Variants in TNRC6C observed in about 807,000 individuals in gnomAD.
The protein encoded by TNRC6C is trinucleotide repeat-containing gene 6C protein.
TNRC6C carries 20 observed loss-of-function variants against 153.7 expected under a neutral mutation model. That is an observed-to-expected ratio of 0.13 (90% CI 0.09 to 0.19). TNRC6C has a LOEUF of 0.19. Among genes scored for constraint, TNRC6C ranks in the 10% least tolerant of loss-of-function variants. The probability of loss-of-function intolerance (pLI) is 1.00; values close to 1 mark genes in which losing one functional copy is unlikely to be tolerated. For missense variants in TNRC6C, 1,987 were observed against 2,172.0 expected (o/e 0.91, Z 1.69); for synonymous variants, 811 against 841.4 (o/e 0.96, Z 0.63).
chr17:77,963,099 C>G (rs1234179225), intron 1 of TNRC6C, among the ~76,000 whole-genome samples: 1 of 152,166 alleles, frequency 6.6e-6, no homozygotes, highest in Non-Finnish European at 1.5e-5. Flanking sequence ...AAATGATATA[C>G]AATAAGCTTT....
At position 78,075,039 on chromosome 17, in the gene TNRC6C, G is replaced by C; in HGVS notation, c.2918-97G>C. The stretch of plus-strand genomic sequence containing the variant: ...CTTCCCTGTGTTTGAAGGGGTGGAG[G>C]GTCTCCATCCCTCCTTGAGGCCTTA... On this transcript the variant is annotated intron_variant, in intron 7 of 19. Coordinates refer to ENST00000301624, the Ensembl canonical transcript of TNRC6C. This position sits in a 1 kb window ranked among gnomAD's most constrained non-coding sequence, Gnocchi z 4.2. 1 of 1,441,116 alleles carries C rather than the reference G, an allele frequency of 6.9e-7. No individual in the cohort carries two copies. The highest frequency in any genetic ancestry group is 9.4e-7 in the Non-Finnish European group (1 of 1,060,326). The allele number at this position is 1,441,116 out of a possible 1,614,324, so 89.3% of individuals were successfully genotyped here.
At chr17:78,059,936 A>G (rs900404044) in intron 3 of TNRC6C, among the ~76,000 whole-genome samples, 1 of 152,056 alleles carries the variant, frequency 6.6e-6, no homozygotes, top group Non-Finnish European at 1.5e-5. Flanking sequence ...AATCTGTATT[A>G]GTATCGTGAA....
At chr17:78,086,819 A>G in intron 12 of TNRC6C, 34 bp from the exon 15 acceptor site, 1 of 1,605,078 alleles carries the variant, frequency 6.2e-7, no homozygotes. Context: ...GTCCCTTCCC[A>G]CCTAGTTAAC....
At chr17:78,078,280 G>A (rs1010512430) in intron 9 of TNRC6C, among the ~76,000 whole-genome samples, 4 of 152,174 alleles carry the variant, frequency 2.6e-5, no homozygotes, top group Non-Finnish European at 5.9e-5. Flanking sequence ...TGCAGAAGGG[G>A]TTCTCTCCCA....
rs569992402 is a variant in TNRC6C, at chr17:78,027,471, T to G, written c.-545-4045T>G. On this transcript the variant is annotated intron_variant, in intron 1 of 19. Transcript: ENST00000301624. ...CAACCCTCTTCTTTTTTATATTCAG[T>G]TCCATCATATGGAAACTCTGGCTAG... Among the ~76,000 whole-genome samples, 4 of 152,298 alleles carry G rather than the reference T, an allele frequency of 2.6e-5. No homozygotes were observed. In the South Asian group the frequency reaches 8.3e-4, roughly 32 times the overall value.
At chr17:78,093,829 G>T (rs111703086) in intron 16 of TNRC6C, 66 bp downstream of exon 18, 3 of 1,589,896 alleles carry the variant, frequency 1.9e-6, no homozygotes, top group East Asian at 4.5e-5. Context: ...AGATGTCAGG[G>T]GTGACAGGTT....
At chr17:78,023,117 T>C (rs1227695084) in intron 1 of TNRC6C, among the ~76,000 whole-genome samples, 2 of 151,958 alleles carry the variant, frequency 1.3e-5, no homozygotes, top group South Asian at 2.1e-4. Context: ...ACAGTGAGAC[T>C]CCGTCTCTAA....
intron 1 of TNRC6C, among the ~76,000 whole-genome samples, chr17:78,026,473 G>C (rs1207008196): frequency 6.6e-6 from 1 of 152,196 alleles, no homozygotes; most frequent in African/African-American, 2.4e-5. Flanking sequence ...CAGTTAAACT[G>C]ATATATTCAT....
At chr17:78,086,354 A>C (rs867725344) in intron 11 of TNRC6C, 149 bp from the exon 14 acceptor site, 177 of 506,970 alleles carry the variant, frequency 3.5e-4, no homozygotes, top group South Asian at 1.7e-3. Flanking sequence ...AAAAAAAAAA[A>C]AAAAAACAGT....
chr17:78,036,995 C>A (rs1043768055), intron 2 of TNRC6C, among the ~76,000 whole-genome samples: 1 of 151,508 alleles, frequency 6.6e-6, no homozygotes, highest in African/African-American at 2.4e-5. Context: ...TATTCTTTTT[C>A]TTTATATAGA....
exon 20 of TNRC6C, chr17:78,107,043 C>G (rs1001485727): frequency 2.0e-5 from 3 of 152,064 alleles, no homozygotes; most frequent in East Asian, 3.9e-4. Flanking sequence ...CATCTCATTG[C>G]CATTACATGC....
rs2144685308 is a variant in TNRC6C at position 78,104,912 on chromosome 17, C to T, written c.*67C>T. 1 of 1,370,548 alleles carries T rather than the reference C, an allele frequency of 7.3e-7. No individual in the cohort carries two copies. Among genetic ancestry groups the T allele is most frequent in the Non-Finnish European group, 9.4e-7 (1 of 1,067,030 alleles). The allele number at this position is 1,370,548 out of a possible 1,614,324, so 84.9% of individuals were successfully genotyped here. ...GACCCCTCCCGGCTGGGCGGCCCCACAGACCCGCTGGAACCCAGCAGCGGC... is the reference window on the plus strand; with the variant it reads ...GACCCCTCCCGGCTGGGCGGCCCCATAGACCCGCTGGAACCCAGCAGCGGC... On this transcript the variant is annotated 3_prime_UTR_variant, in exon 20 of 20. Coordinates refer to ENST00000301624, the Ensembl canonical transcript of TNRC6C. This position sits in a 1 kb window ranked among gnomAD's most constrained non-coding sequence, Gnocchi z 6.2.
intron 13 of TNRC6C, 41 bp downstream of exon 15, chr17:78,087,134 A>G: frequency 1.9e-6 from 3 of 1,602,398 alleles, no homozygotes; most frequent in Non-Finnish European, 2.6e-6. Flanking sequence ...TCAGGTAGAG[A>G]GGGTACCTGG....
chr17:78,055,096 G>A (rs913533807), intron 3 of TNRC6C, among the ~76,000 whole-genome samples: 11 of 152,220 alleles, frequency 7.2e-5, no homozygotes, highest in Admixed American at 2.0e-4. Flanking sequence ...AACACTGTAC[G>A]CTTAGGCCAC....
At chr17:78,031,315 C>T (rs1407268819) in intron 1 of TNRC6C, among the ~76,000 whole-genome samples, 4 of 152,094 alleles carry the variant, frequency 2.6e-5, no homozygotes, top group African/African-American at 9.7e-5. Context: ...CCAGGAATAG[C>T]TGGCTCAGAC....
At chr17:78,022,895 CT>C (rs761533707) in intron 1 of TNRC6C, among the ~76,000 whole-genome samples, 48 of 152,082 alleles carry the variant, frequency 3.2e-4, no homozygotes, top group African/African-American at 9.9e-4. Context: ...ATGTGCAGAC[CT>C]TTTTTTCTTA....
intron 16 of TNRC6C, 80 bp downstream of exon 19, chr17:78,097,941 C>T (rs957956685): frequency 8.6e-7 from 1 of 1,168,084 alleles, no homozygotes; most frequent in Non-Finnish European, 1.2e-6. Context: ...CCAGCTTTTC[C>T]TATTGGCTCT....
intron 16 of TNRC6C, among the ~76,000 whole-genome samples, chr17:78,094,469 C>T (rs551231351): frequency 6.1e-5 from 9 of 147,456 alleles, no homozygotes; most frequent in Middle Eastern, 3.5e-3. Context: ...GACAGATTCT[C>T]GCTCTCTTGC....
chr17:78,032,491 C>G lies in TNRC6C; in HGVS notation c.-219+649C>G, dbSNP rs115124596. On this transcript the variant is annotated intron_variant, in intron 2 of 19. Transcript: ENST00000301624. ...GATGGATTTGTACTTTTGAAAAATT[C>G]ATGTACTGTAGTTTTAAGGAATTTT... is the stretch of plus-strand genomic sequence containing the variant. Among the ~76,000 whole-genome samples, 1,235 of 152,262 alleles carry G rather than the reference C, an allele frequency of 8.1e-3. 19 individuals are homozygous for G. Among genetic ancestry groups the G allele is most frequent in the African/African-American group, 0.028 (1,144 of 41,542 alleles).
Sources: allele counts gnomAD v4.1 joint callset (sites outside exome capture counted in the v4.1 genomes callset), GRCh38; gene constraint gnomAD v4.1.1; non-coding constraint Gnocchi (gnomAD v3.1); transcripts MANE v1.5; gene names NCBI Gene and HGNC (gene_info 2026-07-23, HGNC 2026-07-21).